The following MYLK variants were observed in gnomAD, a reference collection of about 807,000 sequenced individuals.
The protein encoded by MYLK is myosin light chain kinase, smooth muscle.
MYLK carries 106 observed loss-of-function variants against 203.4 expected under a neutral mutation model. That is an observed-to-expected ratio of 0.52 (90% CI 0.45 to 0.61). MYLK has a LOEUF of 0.61. Ranked by LOEUF, MYLK falls within the 20% of genes least tolerant of loss-of-function variation. MYLK has a pLI of 0.00. For missense variants in MYLK, 2,072 were observed against 2,442.3 expected, an observed-to-expected ratio of 0.85 and a Z score of 3.20; for synonymous variants, 867 against 959.5, an observed-to-expected ratio of 0.90 and a Z score of 1.78.
At chr3:123,686,691 A>G (rs898041073) in intron 19 of MYLK, among the ~76,000 whole-genome samples, 2 of 152,210 alleles carry the variant, frequency 1.3e-5, no homozygotes, top group African/African-American at 4.8e-5. Flanking sequence ...GCTTCCTCAC[A>G]AGGAAAACCG....
intron 20 of MYLK, among the ~76,000 whole-genome samples, chr3:123,677,407 G>C (rs1205759228): frequency 6.6e-6 from 1 of 152,194 alleles, no homozygotes; most frequent in Non-Finnish European, 1.5e-5. Flanking sequence ...CTTTCTTGCT[G>C]TGTCTTGTGC....
intron 13 of MYLK, 86 bp downstream of exon 13, chr3:123,722,042 T>C: frequency 2.6e-6 from 4 of 1,520,806 alleles, no homozygotes; most frequent in Non-Finnish European, 3.6e-6. Context: ...GAGCTCATGA[T>C]ACCATTTTCT....
At chr3:123,833,677 G>C (rs943698909) in intron 2 of MYLK, among the ~76,000 whole-genome samples, 4 of 151,896 alleles carry the variant, frequency 2.6e-5, no homozygotes, top group African/African-American at 9.7e-5. Flanking sequence ...CCACTCACAA[G>C]AAAACAAAAA....
intron 20 of MYLK, among the ~76,000 whole-genome samples, chr3:123,679,910 C>T (rs2060202860): frequency 1.3e-5 from 2 of 152,202 alleles, no homozygotes; most frequent in Admixed American, 6.5e-5. Flanking sequence ...AGACCCCCTT[C>T]TGCTTCTCAA....
chr3:123,779,518 C>T (rs911180071), intron 4 of MYLK, among the ~76,000 whole-genome samples: 16 of 152,208 alleles, frequency 1.1e-4, no homozygotes, highest in African/African-American at 3.9e-4. Context: ...AGGCTTGGGA[C>T]TCTGTGCTCA....
chr3:123,754,760 G>C (rs144147923), intron 4 of MYLK, among the ~76,000 whole-genome samples: 4 of 152,084 alleles, frequency 2.6e-5, no homozygotes, highest in Admixed American at 2.0e-4. Context: ...TTGCAAAACA[G>C]AAAAAAGAAT....
intron 23 of MYLK, among the ~76,000 whole-genome samples, chr3:123,663,424 T>C (rs1325793452): frequency 6.6e-6 from 1 of 151,884 alleles, no homozygotes; most frequent in East Asian, 1.9e-4. Flanking sequence ...CATAGGCAGC[T>C]GGAGGGTGCT....
chr3:123,753,006 T>C (rs149165847), intron 4 of MYLK, among the ~76,000 whole-genome samples: 16 of 152,282 alleles, frequency 1.1e-4, no homozygotes, highest in African/African-American at 3.4e-4. Context: ...GATTCTGCAG[T>C]TGGGACAAGC....
intron 23 of MYLK, among the ~76,000 whole-genome samples, chr3:123,663,748 C>T (rs187331533): frequency 2.0e-4 from 30 of 152,186 alleles, no homozygotes; most frequent in African/African-American, 7.2e-4. Context: ...ACACCTGTGG[C>T]GTAGGGGCCA....
chr3:123,823,555 C>T (rs1484555866), intron 3 of MYLK, among the ~76,000 whole-genome samples: 1 of 152,168 alleles, frequency 6.6e-6, no homozygotes, highest in African/African-American at 2.4e-5. Context: ...TCCCCTCCAC[C>T]TCCACTGCCA....
intron 4 of MYLK, among the ~76,000 whole-genome samples, chr3:123,774,524 T>C (rs1190136180): frequency 1.3e-5 from 2 of 152,206 alleles, no homozygotes; most frequent in Admixed American, 1.3e-4. Context: ...ATAAGTAATT[T>C]ACACAAGGTC....
chr3:123,780,981 C>T (rs2064276341), intron 4 of MYLK, among the ~76,000 whole-genome samples: 1 of 152,166 alleles, frequency 6.6e-6, no homozygotes, highest in Admixed American at 6.5e-5. Context: ...GTGGGATGGG[C>T]TCCCTGGAAG....
rs2061534671 is a variant in MYLK at position 123,708,129 on chromosome 3, C to A, written c.2141-126G>T. On this transcript the variant is annotated intron_variant, in intron 15 of 33. Coordinates refer to ENST00000360304, the MANE Select transcript of MYLK (RefSeq NM_053025.4). ...CCCAAGTAACAGATTGTCCAGAAAT[C>A]ACTGTGATTGGATACACAAATGCAG... The A allele has an allele frequency of 5.1e-6, 7 of 1,367,834 alleles. No homozygotes were observed. In the East Asian group the frequency reaches 1.7e-4, roughly 34 times the overall value. 84.7% of individuals were successfully genotyped at this position (1,367,834 alleles called of 1,614,324 possible).
At chr3:123,769,717 G>A (rs1388724949) in intron 4 of MYLK, among the ~76,000 whole-genome samples, 2 of 152,178 alleles carry the variant, frequency 1.3e-5, no homozygotes, top group African/African-American at 4.8e-5. Context: ...AATCGCACTA[G>A]ACTGTAACTG....
chr3:123,651,025 C>G (rs973009177), intron 24 of MYLK, among the ~76,000 whole-genome samples: 1 of 152,172 alleles, frequency 6.6e-6, no homozygotes, highest in Non-Finnish European at 1.5e-5. Flanking sequence ...GGAGCTCTGG[C>G]TGTCGGCAGT....
At chr3:123,625,892 C>T (rs2058124657) in intron 31 of MYLK, among the ~76,000 whole-genome samples, 1 of 151,898 alleles carries the variant, frequency 6.6e-6, no homozygotes, top group African/African-American at 2.4e-5. Context: ...TGAAAAACAT[C>T]CTGTGGTTTT....
intron 19 of MYLK, among the ~76,000 whole-genome samples, chr3:123,684,019 T>G (rs1202205264): frequency 6.6e-6 from 1 of 152,192 alleles, no homozygotes; most frequent in Non-Finnish European, 1.5e-5. Context: ...GCATGCCAGT[T>G]CCATGAGGAC....
chr3:123,776,248 C>T (rs1189499179), intron 4 of MYLK, among the ~76,000 whole-genome samples: 1 of 152,118 alleles, frequency 6.6e-6, no homozygotes, highest in Non-Finnish European at 1.5e-5. Flanking sequence ...GGAGGTGCCC[C>T]AGATGTGACA....
chr3:123,756,583 C>T (rs1325322044), intron 4 of MYLK, among the ~76,000 whole-genome samples: 2 of 152,168 alleles, frequency 1.3e-5, no homozygotes, highest in Non-Finnish European at 2.9e-5. Flanking sequence ...AATGGTGACC[C>T]ACTTAGCTTC....
Sources: allele counts gnomAD v4.1 joint callset (sites outside exome capture counted in the v4.1 genomes callset), GRCh38; gene constraint gnomAD v4.1.1; transcripts MANE v1.5; gene names NCBI Gene and HGNC (gene_info 2026-07-23, HGNC 2026-07-21).